MFAP3: variants seen among roughly 807,000 people sequenced by gnomAD.
MFAP3 encodes the protein microfibril associated protein 3, also known as microfibril-associated glycoprotein 3.
In MFAP3, 8 loss-of-function variants were observed where a neutral mutation model predicts 20.5. The ratio of observed to expected loss-of-function variants is 0.39; its 90% CI spans 0.23 to 0.70. The LOEUF is 0.70. Ranked by LOEUF, MFAP3 falls within the 30% of genes least tolerant of loss-of-function variation. The pLI is 0.44. For missense variants in MFAP3, 398 were observed against 444.6 expected, an observed-to-expected ratio of 0.90 and a Z score of 0.94; for synonymous variants, 140 against 154.0, an observed-to-expected ratio of 0.91 and a Z score of 0.67.
chr5:154,041,860 A>T (rs1772961060), intron 1 of MFAP3, among the ~76,000 whole-genome samples: 1 of 152,254 alleles, frequency 6.6e-6, no homozygotes, highest in African/African-American at 2.4e-5. Flanking sequence ...TAGGAGGTGG[A>T]ATAATAACAA....
intron 2 of MFAP3, among the ~76,000 whole-genome samples, chr5:154,050,953 T>C (rs565901338): frequency 1.3e-5 from 2 of 152,222 alleles, no homozygotes; most frequent in East Asian, 1.9e-4. Context: ...AGGAAGATAG[T>C]GTAGCCTTCT....
rs1043149533 is a variant in MFAP3, at chr5:154,055,796, T to A, written c.*2083T>A. ...AATTTTTTTTTATTTTTTGTAGAGA[T>A]GGGGGTCTCACTTTGTTGCCCAGGC... is the stretch of plus-strand genomic sequence containing the variant. On this transcript the variant is annotated 3_prime_UTR_variant, in exon 3 of 3. Transcript: ENST00000522782. Among the ~76,000 whole-genome samples, 2 of 151,952 alleles carry A rather than the reference T, an allele frequency of 1.3e-5. No homozygotes were observed. Among genetic ancestry groups the A allele is most frequent in the Admixed American group, 6.6e-5 (1 of 15,244 alleles).
chr5:154,052,869 T>G, intron 2 of MFAP3, 51 bp from the exon 3 acceptor site: 1 of 1,486,502 alleles, frequency 6.7e-7, no homozygotes, highest in Non-Finnish European at 9.2e-7. Flanking sequence ...AGCGGGCATA[T>G]TTAGTAATCT....
chr5:154,043,874 A>G (rs1197689461), intron 1 of MFAP3, among the ~76,000 whole-genome samples: 1 of 152,172 alleles, frequency 6.6e-6, no homozygotes, highest in Non-Finnish European at 1.5e-5. Context: ...ATGTGAGGAA[A>G]AATTAAAGGA....
Position 154,055,176 on chromosome 5 carries a change from A to G in MFAP3, c.*1463A>G, listed in dbSNP as rs567924664. On this transcript the variant is annotated 3_prime_UTR_variant, in exon 3 of 3. Transcript: ENST00000522782. ...TTGGGGCTTCACGTTTCTTCATATG[A>G]CTTCTGATTATTGAAGCATTACTTC... 6.0e-6 allele frequency: 1 copy of G among 167,176 alleles called. No homozygotes were observed. The highest frequency in any genetic ancestry group is 2.1e-4 in the South Asian group (1 of 4,828). 10.4% of individuals were successfully genotyped at this position (167,176 alleles called of 1,614,324 possible).
rs774460415 is a variant in MFAP3 at position 154,057,397 on chromosome 5, CATA to C, written c.*3685_*3687del. Among the ~76,000 whole-genome samples the C allele has an allele frequency of 1.3e-5, 2 of 152,088 alleles. No homozygotes were observed. The highest frequency in any genetic ancestry group is 2.9e-5 in the Non-Finnish European group (2 of 68,034). On this transcript the variant is annotated 3_prime_UTR_variant, in exon 3 of 3. Transcript: ENST00000522782. ...ATTTTGTCTCTTTTTTAAAGAAAGT[CATA>C]CTTGAATATAATTTATTAAACGTTC...
In MFAP3 at chr5:154,055,362, A is replaced by G. The variant is rs1773304601; in HGVS notation, c.*1649A>G. Among the ~76,000 whole-genome samples, 1 of 152,212 alleles carries G rather than the reference A, an allele frequency of 6.6e-6. No homozygotes were observed. The highest frequency in any genetic ancestry group is 2.4e-5 in the African/African-American group (1 of 41,464). On this transcript the variant is annotated 3_prime_UTR_variant, in exon 3 of 3. Transcript: ENST00000522782. ...AAGTAATACATCTGCTCTGAATAGCATGAATGAATCAATGTGCAGTTTTAT... is the reference window on the plus strand; with the variant it reads ...AAGTAATACATCTGCTCTGAATAGCGTGAATGAATCAATGTGCAGTTTTAT...
intron 2 of MFAP3, among the ~76,000 whole-genome samples, chr5:154,052,501 A>C (rs567598122): frequency 1.2e-4 from 18 of 152,280 alleles, no homozygotes; most frequent in African/African-American, 3.1e-4. Flanking sequence ...ATTTTAAACC[A>C]TTGTTTTATA....
At chr5:154,047,893 C>A (rs895597330) in intron 1 of MFAP3, among the ~76,000 whole-genome samples, 1 of 152,132 alleles carries the variant, frequency 6.6e-6, no homozygotes, top group African/African-American at 2.4e-5. Flanking sequence ...AGCCTGTCAC[C>A]GTTGAGAACC....
At position 154,054,911 on chromosome 5, in the gene MFAP3, A is replaced by G. The variant is rs546000927; in HGVS notation, c.*1198A>G. On this transcript the variant is annotated 3_prime_UTR_variant, in exon 3 of 3. Coordinates refer to ENST00000522782, the MANE Select transcript of MFAP3 (RefSeq NM_005927.5). ...AAGCACTAACCTGAAATAAGATTAG[A>G]TAATTGTGAGGGTGTGTTACTATAT... 1.3e-4 allele frequency: 21 copies of G among 167,234 alleles called. No homozygotes were observed. Among genetic ancestry groups the G allele is most frequent in the African/African-American group, 4.3e-4 (18 of 41,594 alleles). 10.4% of individuals were successfully genotyped at this position (167,234 alleles called of 1,614,324 possible). A position where few individuals can be genotyped will look rare whatever the true frequency, so the allele number is the denominator to read the frequency against.
chr5:154,041,158 A>G (rs897572453), intron 1 of MFAP3, among the ~76,000 whole-genome samples: 4 of 152,104 alleles, frequency 2.6e-5, no homozygotes, highest in East Asian at 3.8e-4. Flanking sequence ...TCATCTGACA[A>G]GAGGGTGGGC....
chr5:154,053,847 G>C lies in MFAP3; in HGVS notation c.*134G>C, dbSNP rs981994802. 5.3e-6 allele frequency: 4 copies of C among 750,510 alleles called. No homozygotes were observed. Among genetic ancestry groups the C allele is most frequent in the African/African-American group, 1.8e-5 (1 of 56,134 alleles). The allele number at this position is 750,510 out of a possible 1,614,324, so 46.5% of individuals were successfully genotyped here. Reference sequence around the variant, plus strand: ...TTGTTAATATTAAGCACATCAGAACGTGAATTGCCAAAGTCTTCATTAGAA... The same window carrying C: ...TTGTTAATATTAAGCACATCAGAACCTGAATTGCCAAAGTCTTCATTAGAA... On this transcript the variant is annotated 3_prime_UTR_variant, in exon 3 of 3. Transcript: ENST00000522782.
At chr5:154,042,784 C>T (rs1772984763) in intron 1 of MFAP3, among the ~76,000 whole-genome samples, 1 of 151,728 alleles carries the variant, frequency 6.6e-6, no homozygotes, top group South Asian at 2.1e-4. Flanking sequence ...GCCTAGAACA[C>T]ATTTGATTAT....
intron 2 of MFAP3, 147 bp downstream of exon 2, chr5:154,050,164 C>A: frequency 1.5e-6 from 1 of 655,890 alleles, no homozygotes; most frequent in Non-Finnish European, 2.3e-6. Flanking sequence ...TTGTACCTAT[C>A]AGAAAATGCA....
Position 154,055,987 on chromosome 5 carries a change from C to T in MFAP3, c.*2274C>T, listed in dbSNP as rs528875436. Among the ~76,000 whole-genome samples the T allele has an allele frequency of 2.0e-5, 3 of 152,234 alleles. No individual in the cohort carries two copies. Among genetic ancestry groups the T allele is most frequent in the East Asian group, 3.9e-4 (2 of 5,180 alleles). On this transcript the variant is annotated 3_prime_UTR_variant, in exon 3 of 3. Transcript: ENST00000522782. ...TTTCAGATAGTACTTTCAACCCTGTCCTAACATAGCAGGTTTGCAGTAATC... is the reference window on the plus strand; with the variant it reads ...TTTCAGATAGTACTTTCAACCCTGTTCTAACATAGCAGGTTTGCAGTAATC...
chr5:154,055,028 A>T lies in MFAP3; in HGVS notation c.*1315A>T, dbSNP rs1003383271. 6.0e-6 allele frequency: 1 copy of T among 166,992 alleles called. No homozygotes were observed. Among genetic ancestry groups the T allele is most frequent in the Non-Finnish European group, 1.5e-5 (1 of 68,118 alleles). 10.3% of individuals were successfully genotyped at this position (166,992 alleles called of 1,614,324 possible). A position where few individuals can be genotyped will look rare whatever the true frequency, so the allele number is the denominator to read the frequency against. ...CAACTGTATATAATAAACACTTATG[A>T]TGACATTTCTTGCCTGGCTGAGATC... On this transcript the variant is annotated 3_prime_UTR_variant, in exon 3 of 3. Coordinates refer to ENST00000522782, the MANE Select transcript of MFAP3 (RefSeq NM_005927.5).
intron 2 of MFAP3, among the ~76,000 whole-genome samples, chr5:154,050,517 T>G (rs763638975): frequency 6.6e-6 from 1 of 152,072 alleles, no homozygotes; most frequent in African/African-American, 2.4e-5. Context: ...TCCAGGACAT[T>G]TTTGAAAATG....
At chr5:154,048,077 C>G (rs535425523) in intron 1 of MFAP3, among the ~76,000 whole-genome samples, 19 of 152,292 alleles carry the variant, frequency 1.2e-4, no homozygotes, top group Admixed American at 1.1e-3. Context: ...AAAAAAGAGA[C>G]TGTATTCCAA....
At chr5:154,039,183 G>C (rs187432911) in intron 1 of MFAP3, 172 bp downstream of exon 1, 253 of 152,412 alleles carry the variant, frequency 1.7e-3, no homozygotes, top group African/African-American at 5.6e-3. Flanking sequence ...CTGAGAGCCA[G>C]ATACCTGCCA....
Sources: allele counts gnomAD v4.1 joint callset (sites outside exome capture counted in the v4.1 genomes callset), GRCh38; gene constraint gnomAD v4.1.1; transcripts MANE v1.5; gene names NCBI Gene and HGNC (gene_info 2026-07-23, HGNC 2026-07-21).